The following SNTG2 variants were observed in gnomAD, a reference collection of about 807,000 sequenced individuals.
SNTG2 encodes the protein gamma-2-syntrophin.
SNTG2 carries 74 observed loss-of-function variants against 70.9 expected under a neutral mutation model. The ratio of observed to expected loss-of-function variants is 1.04; its 90% CI spans 0.86 to 1.27. SNTG2 has a LOEUF of 1.27. Ranked by LOEUF, SNTG2 falls within the 50% of genes most tolerant of loss-of-function variation. SNTG2 has a pLI of 0.00. For synonymous variants in SNTG2, 278 were observed against 273.8 expected (o/e 1.02, Z -0.15); for missense variants, 717 against 690.7 (o/e 1.04, Z -0.43).
chr2:1,258,189 T>C (rs1678229628), intron 12 of SNTG2, among the ~76,000 whole-genome samples: 1 of 152,158 alleles, frequency 6.6e-6, no homozygotes. Context: ...TTCAGGGTGA[T>C]GTTTTATTTC....
At chr2:1,190,570 G>C (rs1352143925) in intron 8 of SNTG2, among the ~76,000 whole-genome samples, 1 of 143,752 alleles carries the variant, frequency 7.0e-6, no homozygotes, top group Non-Finnish European at 1.5e-5. Context: ...ATAAATGCAT[G>C]TGACTGTAAA....
At chr2:1,178,062 T>A (rs1368999581) in intron 8 of SNTG2, among the ~76,000 whole-genome samples, 10 of 152,108 alleles carry the variant, frequency 6.6e-5, no homozygotes, top group South Asian at 2.1e-4. Flanking sequence ...TAGATGAAAA[T>A]TTTTTAAAAG....
At chr2:1,144,425 A>G (rs1476814935) in intron 6 of SNTG2, among the ~76,000 whole-genome samples, 1 of 152,206 alleles carries the variant, frequency 6.6e-6, no homozygotes, top group African/African-American at 2.4e-5. Context: ...TCTGAAGATC[A>G]CATGAAGAAT....
At position 1,243,063 on chromosome 2, in the gene SNTG2, A is replaced by C. The variant is rs1677152861; in HGVS notation, c.888+3287A>C. ...GCATCCGATGTTTCCAACAATAGCA[A>C]AGCTATAACGTATTTCTTTGCTAAA... On this transcript the variant is annotated intron_variant, in intron 11 of 16. Coordinates refer to ENST00000308624, the MANE Select transcript of SNTG2 (RefSeq NM_018968.4). 2.0e-5 allele frequency among the ~76,000 whole-genome samples: 3 copies of C among 152,358 alleles called. No homozygotes were observed. The South Asian group carries it at 6.2e-4, about 32-fold the overall frequency.
chr2:956,690 A>G (rs1660173201), intron 1 of SNTG2, among the ~76,000 whole-genome samples: 3 of 152,232 alleles, frequency 2.0e-5, no homozygotes, highest in Admixed American at 6.5e-5. Context: ...CCGCTTTCAG[A>G]AGGACACAGC....
Position 993,155 on chromosome 2 carries a change from A to T in SNTG2, c.72+42087A>T, listed in dbSNP as rs886455763. ...TTAGTTACATATGTATACATGTGCC[A>T]TGCTGGTGTGCTGCACCCACTAACG... On this transcript the variant is annotated intron_variant, in intron 1 of 16. Coordinates refer to ENST00000308624, the MANE Select transcript of SNTG2 (RefSeq NM_018968.4). 3.4e-5 allele frequency among the ~76,000 whole-genome samples: 5 copies of T among 148,996 alleles called. No individual in the cohort carries two copies. The East Asian group carries it at 1.0e-3, about 30-fold the overall frequency.
At chr2:1,066,483 C>T (rs1343176745) in intron 1 of SNTG2, among the ~76,000 whole-genome samples, 1 of 151,754 alleles carries the variant, frequency 6.6e-6, no homozygotes, top group Non-Finnish European at 1.5e-5. Context: ...GATGATTTTG[C>T]CGGGATTCAG....
chr2:1,036,302 C>G (rs1209536334), intron 1 of SNTG2, among the ~76,000 whole-genome samples: 1 of 151,840 alleles, frequency 6.6e-6, no homozygotes, highest in Non-Finnish European at 1.5e-5. Flanking sequence ...TTTTTTCAAA[C>G]ATAGCAGGAA....
chr2:1,167,539 C>T (rs1430293872), intron 7 of SNTG2, among the ~76,000 whole-genome samples: 6 of 131,058 alleles, frequency 4.6e-5, no homozygotes, highest in African/African-American at 1.2e-4. Flanking sequence ...CGCCCACAGA[C>T]GGCAGAACTG....
At chr2:1,071,631 AAAACTT>A (rs1663558994) in intron 1 of SNTG2, among the ~76,000 whole-genome samples, 1 of 117,834 alleles carries the variant, frequency 8.5e-6, no homozygotes, top group Non-Finnish European at 1.7e-5. Flanking sequence ...CATGTACCCT[AAAACTT>A]AAAGTATAAT....
chr2:1,271,964 T>C (rs1162390074), intron 14 of SNTG2, among the ~76,000 whole-genome samples: 1 of 151,878 alleles, frequency 6.6e-6, no homozygotes, highest in African/African-American at 2.4e-5. Context: ...TATTGGATGA[T>C]TGGCTTCTGT....
At chr2:1,109,823 C>T (rs1223846373) in intron 4 of SNTG2, among the ~76,000 whole-genome samples, 2 of 152,120 alleles carry the variant, frequency 1.3e-5, no homozygotes, top group African/African-American at 2.4e-5. Flanking sequence ...ATTCGGGAGA[C>T]AAATGGGACA....
chr2:1,158,202 T>C (rs1165634299), intron 6 of SNTG2: 2 of 152,354 alleles, frequency 1.3e-5, no homozygotes, highest in East Asian at 3.9e-4. Flanking sequence ...TATCCTGGTT[T>C]TAAAACTAAT....
chr2:1,246,576 T>A (rs1677442970), intron 11 of SNTG2, among the ~76,000 whole-genome samples: 1 of 152,240 alleles, frequency 6.6e-6, no homozygotes, highest in Non-Finnish European at 1.5e-5. Context: ...AACTTATTTT[T>A]ATTTTTTTAA....
intron 16 of SNTG2, among the ~76,000 whole-genome samples, chr2:1,333,274 C>G (rs1213541190): frequency 6.6e-6 from 1 of 152,100 alleles, no homozygotes; most frequent in Non-Finnish European, 1.5e-5. Flanking sequence ...AGGGAAACTA[C>G]AAAACACTGC....
At position 1,310,423 on chromosome 2, in the gene SNTG2, G is replaced by A. The variant is rs572198695; in HGVS notation, c.1377+1837G>A. 8.0e-4 allele frequency among the ~76,000 whole-genome samples: 122 copies of A among 152,310 alleles called. 1 individual carries two copies. The South Asian group carries it at 0.013, about 16-fold the overall frequency. On this transcript the variant is annotated intron_variant, in intron 15 of 16. Transcript: ENST00000308624. Reference sequence around the variant, plus strand: ...GTGTCTCTCTGTTGTGATTCTGCTAGAGGGTCTCAGCACAGGAAGATCAAC... The same window carrying A: ...GTGTCTCTCTGTTGTGATTCTGCTAAAGGGTCTCAGCACAGGAAGATCAAC...
chr2:1,360,064 A>G (rs1661056959), intron 16 of SNTG2, among the ~76,000 whole-genome samples: 1 of 152,230 alleles, frequency 6.6e-6, no homozygotes, highest in South Asian at 2.1e-4. Flanking sequence ...TAGGAAAAAA[A>G]AAAGTACATT....
At chr2:1,141,240 A>G (rs1668730065) in intron 6 of SNTG2, among the ~76,000 whole-genome samples, 1 of 152,194 alleles carries the variant, frequency 6.6e-6, no homozygotes, top group African/African-American at 2.4e-5. Context: ...ATTTAATGAC[A>G]TGTGTTATGG....
chr2:1,012,327 C>T (rs925142304), intron 1 of SNTG2, among the ~76,000 whole-genome samples: 3 of 152,218 alleles, frequency 2.0e-5, no homozygotes, highest in Non-Finnish European at 2.9e-5. Flanking sequence ...CATGAGTTCT[C>T]TCATCCTCGG....
Sources: gnomAD v4.1 joint callset for allele counts (sites outside exome capture counted in the v4.1 genomes callset) on GRCh38, gnomAD v4.1.1 for gene constraint, MANE v1.5 for transcripts, NCBI Gene and HGNC (gene_info 2026-07-23, HGNC 2026-07-21) for gene names.